SDCCAG8: variants seen among roughly 807,000 people sequenced by gnomAD.
SDCCAG8 encodes the protein serologically defined colon cancer antigen 8.
SDCCAG8 carries 74 observed loss-of-function variants against 101.8 expected under a neutral mutation model. The observed-to-expected ratio is 0.73, with a 90% CI of 0.60 to 0.88. The LOEUF (loss-of-function observed/expected upper bound fraction) is 0.88. Ranked by LOEUF, SDCCAG8 falls within the 40% of genes least tolerant of loss-of-function variation. The pLI is 0.00. For missense variants in SDCCAG8, 787 were observed against 822.6 expected (o/e 0.96, Z 0.53); for synonymous variants, 281 against 292.9 (o/e 0.96, Z 0.41).
At chr1:243,491,135 C>G (rs1268200902) in intron 17 of SDCCAG8, among the ~76,000 whole-genome samples, 1 of 152,228 alleles carries the variant, frequency 6.6e-6, no homozygotes, top group East Asian at 1.9e-4. Flanking sequence ...GTGGGCTTTG[C>G]CTTTTAACTC....
chr1:243,367,788 T>C (rs2077065891), intron 12 of SDCCAG8, among the ~76,000 whole-genome samples: 1 of 149,852 alleles, frequency 6.7e-6, no homozygotes, highest in African/African-American at 2.4e-5. Flanking sequence ...TAGATGTATA[T>C]ATCTAAATAT....
At chr1:243,486,569 G>A (rs1664907631) in intron 16 of SDCCAG8, among the ~76,000 whole-genome samples, 1 of 152,258 alleles carries the variant, frequency 6.6e-6, no homozygotes, top group African/African-American at 2.4e-5. Context: ...ATAGGAGGAA[G>A]GTCTAGGCCA....
intron 2 of SDCCAG8, 73 bp from the exon 3 acceptor site, chr1:243,270,905 G>T: frequency 1.9e-6 from 2 of 1,070,144 alleles, no homozygotes; most frequent in Non-Finnish European, 2.9e-6. Flanking sequence ...TTTATTAGTT[G>T]GAAGGATGGA....
chr1:243,326,414 G>A (rs2074152981), intron 9 of SDCCAG8, among the ~76,000 whole-genome samples: 5 of 152,118 alleles, frequency 3.3e-5, no homozygotes, highest in Admixed American at 3.3e-4. Flanking sequence ...GCAGGAATTA[G>A]AAACCTGGAT....
At chr1:243,453,221 C>T (rs1335233643) in intron 16 of SDCCAG8, among the ~76,000 whole-genome samples, 3 of 152,112 alleles carry the variant, frequency 2.0e-5, no homozygotes, top group African/African-American at 7.2e-5. Context: ...GAGCAGGTTT[C>T]GCTTGGCACT....
chr1:243,440,394 G>A (rs1343800632), intron 16 of SDCCAG8, among the ~76,000 whole-genome samples: 10 of 152,168 alleles, frequency 6.6e-5, no homozygotes. Context: ...ACAGGACCCT[G>A]CTTTTGTCTC....
At chr1:243,424,965 T>G (rs1009057507) in intron 15 of SDCCAG8, among the ~76,000 whole-genome samples, 2 of 152,066 alleles carry the variant, frequency 1.3e-5, no homozygotes, top group African/African-American at 4.8e-5. Context: ...TGATAGGAGA[T>G]ACTAATCTTG....
At chr1:243,280,181 G>C (rs2068908388) in intron 4 of SDCCAG8, among the ~76,000 whole-genome samples, 1 of 152,052 alleles carries the variant, frequency 6.6e-6, no homozygotes, top group Non-Finnish European at 1.5e-5. Flanking sequence ...CTAAATTCAT[G>C]ATCATGGAGT....
At position 243,414,251 on chromosome 1, in the gene SDCCAG8, G is replaced by T. The variant is rs534424963; in HGVS notation, c.1617-1451G>T. On this transcript the variant is annotated intron_variant, in intron 13 of 17. Coordinates refer to ENST00000366541, the MANE Select transcript of SDCCAG8 (RefSeq NM_006642.5). ...AGTTGTATGTATACATCTTACAGGG[G>T]GATTGAGTGGGCAGGTGGAGGGGCT... Among the ~76,000 whole-genome samples the T allele has an allele frequency of 2.8e-3, 426 of 152,172 alleles. 1 individual carries two copies. Among genetic ancestry groups the T allele is most frequent in the African/African-American group, 9.8e-3 (407 of 41,514 alleles).
intron 13 of SDCCAG8, among the ~76,000 whole-genome samples, chr1:243,414,955 T>C (rs1475027712): frequency 2.0e-5 from 3 of 151,794 alleles, no homozygotes; most frequent in African/African-American, 4.8e-5. Context: ...CAGGTTCTAA[T>C]TGTTTAGGAA....
At chr1:243,356,318 G>C (rs2147834585) in intron 12 of SDCCAG8, among the ~76,000 whole-genome samples, 1 of 146,726 alleles carries the variant, frequency 6.8e-6, no homozygotes, top group Non-Finnish European at 1.5e-5. Context: ...TCTCAATGCT[G>C]AATTTGACAT....
intron 12 of SDCCAG8, among the ~76,000 whole-genome samples, chr1:243,370,853 T>C (rs2077249518): frequency 6.6e-6 from 1 of 152,152 alleles, no homozygotes; most frequent in South Asian, 2.1e-4. Context: ...ATTGATTAAA[T>C]AGCCACATTG....
chr1:243,438,608 G>A (rs1273428114), intron 16 of SDCCAG8, among the ~76,000 whole-genome samples: 1 of 152,060 alleles, frequency 6.6e-6, no homozygotes, highest in Non-Finnish European at 1.5e-5. Context: ...TCAGAAGTTA[G>A]ACCTGGAGGA....
chr1:243,317,792 T>C (rs1048422950), intron 9 of SDCCAG8, among the ~76,000 whole-genome samples: 6 of 152,220 alleles, frequency 3.9e-5, no homozygotes, highest in African/African-American at 1.4e-4. Context: ...TAAAGTTGCA[T>C]GTATTTTCCC....
chr1:243,477,143 T>G lies in SDCCAG8; in HGVS notation c.1986-11871T>G, dbSNP rs77296963. On this transcript the variant is annotated intron_variant, in intron 16 of 17. Coordinates refer to ENST00000366541, the MANE Select transcript of SDCCAG8 (RefSeq NM_006642.5). Reference sequence around the variant, plus strand: ...TCTCTGTAATATTCTTGCAACTTTTTATAAGTTTGACATTATTTCCAAATA... The same window carrying G: ...TCTCTGTAATATTCTTGCAACTTTTGATAAGTTTGACATTATTTCCAAATA... 3.3e-5 allele frequency among the ~76,000 whole-genome samples: 5 copies of G among 152,338 alleles called. No homozygotes were observed. The East Asian group carries it at 9.6e-4, about 29-fold the overall frequency.
At chr1:243,331,610 A>T (rs1297908231) in intron 10 of SDCCAG8, among the ~76,000 whole-genome samples, 2 of 152,170 alleles carry the variant, frequency 1.3e-5, no homozygotes, top group African/African-American at 4.8e-5. Flanking sequence ...ATCCATTTTT[A>T]AAAATTGTGT....
intron 6 of SDCCAG8, among the ~76,000 whole-genome samples, chr1:243,297,717 G>A (rs1326000045): frequency 6.6e-6 from 1 of 152,028 alleles, no homozygotes; most frequent in Admixed American, 6.5e-5. Context: ...TACATTTATT[G>A]TCCATTTGAT....
At chr1:243,270,854 A>T (rs1221837463) in intron 2 of SDCCAG8, 124 bp from the exon 3 acceptor site, 2 of 723,094 alleles carry the variant, frequency 2.8e-6, no homozygotes, top group Non-Finnish European at 2.5e-6. Flanking sequence ...TTGTATCCCC[A>T]GTTGATAGCA....
intron 13 of SDCCAG8, among the ~76,000 whole-genome samples, chr1:243,400,442 G>A (rs527259799): frequency 3.9e-5 from 6 of 152,168 alleles, no homozygotes; most frequent in African/African-American, 9.6e-5. Context: ...ACCCTGCCCC[G>A]CAACTTCACT....
Sources: allele counts gnomAD v4.1 joint callset (sites outside exome capture counted in the v4.1 genomes callset), GRCh38; gene constraint gnomAD v4.1.1; transcripts MANE v1.5; gene names NCBI Gene and HGNC (gene_info 2026-07-23, HGNC 2026-07-21).